The following ELOVL4 variants were observed in gnomAD, a reference collection of about 807,000 sequenced individuals.
ELOVL4 encodes the protein ELOVL fatty acid elongase 4, also known as very long chain fatty acid elongase 4.
In ELOVL4, 18 loss-of-function variants were observed where a neutral mutation model predicts 42.1. The ratio of observed to expected loss-of-function variants is 0.43; its 90% CI spans 0.30 to 0.63. The LOEUF (loss-of-function observed/expected upper bound fraction) is 0.63. Ranked by LOEUF, ELOVL4 falls within the 30% of genes least tolerant of loss-of-function variation. The pLI, the probability that ELOVL4 is intolerant of heterozygous loss-of-function variation, is 0.15. For synonymous variants in ELOVL4, 117 were observed against 127.0 expected (o/e 0.92, Z 0.53); for missense variants, 299 against 376.2 (o/e 0.79, Z 1.70).
At chr6:79,937,220 A>G (rs141764717) in intron 1 of ELOVL4, among the ~76,000 whole-genome samples, 2,618 of 152,298 alleles carry the variant, frequency 0.017, 31 homozygotes, top group South Asian at 0.038. Context: ...ACTCAGTTCT[A>G]TAACAGTTAC....
chr6:79,928,165 C>T (rs1774375713), intron 1 of ELOVL4, among the ~76,000 whole-genome samples: 1 of 151,974 alleles, frequency 6.6e-6, no homozygotes, highest in Non-Finnish European at 1.5e-5. Flanking sequence ...AACATTTAGA[C>T]AAACTCTCTG....
intron 1 of ELOVL4, among the ~76,000 whole-genome samples, chr6:79,937,994 G>C (rs1435389103): frequency 6.6e-6 from 1 of 152,198 alleles, no homozygotes; most frequent in Non-Finnish European, 1.5e-5. Flanking sequence ...CTCCCAAAGT[G>C]CTGGGATTAC....
intron 1 of ELOVL4, among the ~76,000 whole-genome samples, chr6:79,933,010 G>A (rs897113389): frequency 1.3e-5 from 2 of 152,160 alleles, no homozygotes; most frequent in Non-Finnish European, 2.9e-5. Context: ...ATAAGCAAAT[G>A]AGAATATCTG....
chr6:79,946,910 A>G (rs912381084), intron 1 of ELOVL4, among the ~76,000 whole-genome samples: 1 of 152,160 alleles, frequency 6.6e-6, no homozygotes, highest in Non-Finnish European at 1.5e-5. Flanking sequence ...GCTCCATCTG[A>G]TATGTCAGCT....
At chr6:79,924,324 AAAAC>A (rs1468631065) in intron 3 of ELOVL4, among the ~76,000 whole-genome samples, 19 of 152,328 alleles carry the variant, frequency 1.2e-4, no homozygotes, top group Admixed American at 1.3e-4. Flanking sequence ...CTCTTGAGCA[AAAAC>A]AAACAAACAA....
chr6:79,919,364 A>C, intron 5 of ELOVL4, 56 bp downstream of exon 5: 2 of 1,592,548 alleles, frequency 1.3e-6, no homozygotes, highest in East Asian at 4.5e-5. Flanking sequence ...AAAATTAATC[A>C]AATTTAAACA....
intron 3 of ELOVL4, among the ~76,000 whole-genome samples, chr6:79,924,725 C>T (rs555471831): frequency 6.6e-5 from 10 of 151,940 alleles, no homozygotes; most frequent in Admixed American, 3.9e-4. Flanking sequence ...GTCCCAGCTA[C>T]TTGGGAGGCT....
rs1406717066 is a variant in ELOVL4, at chr6:79,916,644, T to A, written c.909A>T (p.Gly303=). ...TTGCTTTTCCATTTTTCTGCTTTTTTCCATTTTCTATCATGAGTTGTTTTT... is the reference window on the plus strand; with the variant it reads ...TTGCTTTTCCATTTTTCTGCTTTTTACCATTTTCTATCATGAGTTGTTTTT... ...KSEKQLMIEN[G]KKQKNGKAKG... Residue 303 remains glycine (G), a synonymous_variant, in exon 6 of 6, where the codon GGA becomes GGT. Coordinates refer to ENST00000369816, the MANE Select transcript of ELOVL4 (RefSeq NM_022726.4). The A allele has an allele frequency of 3.1e-6, 5 of 1,614,192 alleles. No individual in the cohort carries two copies. Among genetic ancestry groups the A allele is most frequent in the Non-Finnish European group, 3.4e-6 (4 of 1,180,028 alleles).
At chr6:79,938,292 A>G (rs1774582073) in intron 1 of ELOVL4, among the ~76,000 whole-genome samples, 1 of 152,208 alleles carries the variant, frequency 6.6e-6, no homozygotes. Flanking sequence ...AATGCTGCCA[A>G]TGAACTCAAA....
At chr6:79,934,850 C>G (rs1774516859) in intron 1 of ELOVL4, among the ~76,000 whole-genome samples, 1 of 152,240 alleles carries the variant, frequency 6.6e-6, no homozygotes, top group African/African-American at 2.4e-5. Flanking sequence ...TGATCAACCA[C>G]TAAATCCTCC....
intron 1 of ELOVL4, among the ~76,000 whole-genome samples, chr6:79,932,295 C>T (rs1047902204): frequency 6.6e-6 from 1 of 152,060 alleles, no homozygotes; most frequent in Non-Finnish European, 1.5e-5. Context: ...AATCCCAGCA[C>T]TTTGGGAGGC....
At chr6:79,947,154 G>T in intron 1 of ELOVL4, 26 bp downstream of exon 1, 1 of 1,593,340 alleles carries the variant, frequency 6.3e-7, no homozygotes. Flanking sequence ...GGGACCGAGC[G>T]AGGATGGGGA....
At chr6:79,940,007 G>A (rs887535818) in intron 1 of ELOVL4, among the ~76,000 whole-genome samples, 1 of 152,108 alleles carries the variant, frequency 6.6e-6, no homozygotes, top group African/African-American at 2.4e-5. Context: ...ATCCAACACT[G>A]GACATCTGGG....
chr6:79,928,235 C>A (rs537639849), intron 1 of ELOVL4, among the ~76,000 whole-genome samples: 2 of 152,190 alleles, frequency 1.3e-5, no homozygotes, highest in African/African-American at 4.8e-5. Flanking sequence ...AACTTTAAGG[C>A]AGGCGCTGTT....
chr6:79,947,265 G>T lies in ELOVL4; in HGVS notation c.15C>A (p.Asp5Glu). 6.2e-7 allele frequency: 1 copy of T among 1,612,698 alleles called. No homozygotes were observed. The highest frequency in any genetic ancestry group is 8.5e-7 in the Non-Finnish European group (1 of 1,179,324). MGLL[D>E]SEPGSVLNVV... Reference sequence around the variant, plus strand: ...CGTTTAGGACACTACCCGGCTCCGAGTCCAGGAGCCCCATCGCGGCGATGA... The same window carrying T: ...CGTTTAGGACACTACCCGGCTCCGATTCCAGGAGCCCCATCGCGGCGATGA... The change falls in exon 1 of 6, where the codon GAC becomes GAA. Residue 5 changes from aspartate (D) to glutamate (E), a missense_variant. By Grantham distance (45) the Asp-to-Glu change is conservative. Transcript: ENST00000369816.
chr6:79,920,475 T>C lies in ELOVL4; in HGVS notation c.542-928A>G, dbSNP rs928161840. Among the ~76,000 whole-genome samples, 9 of 152,326 alleles carry C rather than the reference T, an allele frequency of 5.9e-5. No homozygotes were observed. The South Asian group carries it at 1.2e-3, about 21-fold the overall frequency. On this transcript the variant is annotated intron_variant, in intron 4 of 5. Transcript: ENST00000369816. ...AGACCTATACAGGCTGAGTATTCCT[T>C]ATCCAAAATGCTCAGGACCAGATGT...
chr6:79,931,937 A>T (rs1174322985), intron 1 of ELOVL4, among the ~76,000 whole-genome samples: 1 of 152,246 alleles, frequency 6.6e-6, no homozygotes. Context: ...AAGCAAACCT[A>T]AAGCCAAATA....
At position 79,926,261 on chromosome 6, in the gene ELOVL4, T is replaced by C. The variant is rs1774340901; in HGVS notation, c.221A>G (p.Gln74Arg). 1 of 1,614,010 alleles carries C rather than the reference T, an allele frequency of 6.2e-7. No individual in the cohort carries two copies. Among genetic ancestry groups the C allele is most frequent in the Non-Finnish European group, 8.5e-7 (1 of 1,179,950 alleles). ...ATAGATAATGAGCACTAGACGCATC[T>C]GAAAAGGTTCTCGGTCCTTCATCCA... ...PKWMKDREPF[Q>R]MRLVLIIYNF... Residue 74 changes from glutamine (Q) to arginine (R), a missense_variant, in exon 2 of 6, where the codon CAG becomes CGG. Gln to Arg is a conservative substitution (Grantham distance 43). Transcript: ENST00000369816.
chr6:79,929,481 T>A (rs1449273712), intron 1 of ELOVL4, among the ~76,000 whole-genome samples: 1 of 152,030 alleles, frequency 6.6e-6, no homozygotes, highest in East Asian at 1.9e-4. Flanking sequence ...ACTCAAGCAA[T>A]CCATCCACCT....
Sources: gnomAD v4.1 joint callset for allele counts (sites outside exome capture counted in the v4.1 genomes callset) on GRCh38, gnomAD v4.1.1 for gene constraint, MANE v1.5 for transcripts, NCBI Gene and HGNC (gene_info 2026-07-23, HGNC 2026-07-21) for gene names.